NECAB3: variants seen among roughly 807,000 people sequenced by gnomAD.
NECAB3 encodes N-terminal EF-hand calcium-binding protein 3.
NECAB3 carries 38 observed loss-of-function variants against 57.2 expected under a neutral mutation model. The observed-to-expected ratio is 0.66, with a 90% CI of 0.51 to 0.87. NECAB3 has a LOEUF of 0.87. NECAB3 is among the 40% of genes least tolerant of loss of function. The probability of loss-of-function intolerance (pLI) is 0.00; values close to 1 mark genes in which losing one functional copy is unlikely to be tolerated. For missense variants in NECAB3, 474 were observed against 527.5 expected, an observed-to-expected ratio of 0.90 and a Z score of 0.99; for synonymous variants, 223 against 222.6, an observed-to-expected ratio of 1.00 and a Z score of -0.02.
chr20:33,674,087 A>T (rs1601180799), intron 1 of NECAB3, 137 bp downstream of exon 1: 1 of 936,002 alleles, frequency 1.1e-6, no homozygotes, highest in Non-Finnish European at 1.4e-6. Flanking sequence ...AAGGGCAGAA[A>T]GGTCAAGAGA....
At chr20:33,659,449 C>G in intron 8 of NECAB3, 48 bp downstream of exon 8, 1 of 1,409,150 alleles carries the variant, frequency 7.1e-7, no homozygotes, top group Non-Finnish European at 9.4e-7. Flanking sequence ...AATTCATGAG[C>G]ACCCCCAGAC....
In NECAB3 at chr20:33,670,816, G is replaced by A. The variant is rs1185103429; in HGVS notation, c.155-24C>T. The A allele has an allele frequency of 4.4e-6, 7 of 1,578,042 alleles. No individual in the cohort carries two copies. In the East Asian group the frequency reaches 6.7e-5, roughly 15 times the overall value. On this transcript the variant is annotated intron_variant, in intron 2 of 11. Transcript: ENST00000246190. ...ATCTGGGGTGGCAGGGGGAGGACAG[G>A]GAGCAGAGGAGGTATCCCTGACCCT...
At chr20:33,672,488 A>C (rs1601177683) in intron 1 of NECAB3, 66 bp from the exon 2 acceptor site, 1 of 1,597,378 alleles carries the variant, frequency 6.3e-7, no homozygotes. Flanking sequence ...CCCCCACTCA[A>C]CCCGACAGGG....
chr20:33,673,896 C>T (rs1450377678), intron 1 of NECAB3, among the ~76,000 whole-genome samples: 1 of 152,132 alleles, frequency 6.6e-6, no homozygotes, highest in Non-Finnish European at 1.5e-5. Context: ...TCCAGGCTCC[C>T]CTTCCCCAGT....
chr20:33,664,957 G>GC (rs2017603156), intron 5 of NECAB3: 1 of 151,444 alleles, frequency 6.6e-6, no homozygotes, highest in East Asian at 1.9e-4. Context: ...GGCTGCAAGA[G>GC]CTATAACATC....
At chr20:33,669,979 G>A (rs1039318284) in intron 3 of NECAB3, among the ~76,000 whole-genome samples, 2 of 152,240 alleles carry the variant, frequency 1.3e-5, no homozygotes, top group Non-Finnish European at 2.9e-5. Context: ...AGATGGATGT[G>A]GACACAGGCC....
Position 33,657,154 on chromosome 20 carries a change from G to T in NECAB3, c.*675C>A, listed in dbSNP as rs2017313485. The stretch of plus-strand genomic sequence containing the variant: ...AGCCTGGGGTTCAGAGGCCTCTGGG[G>T]GCAATAGGTGACCCTGGACCCAAAT... On this transcript the variant is annotated 3_prime_UTR_variant, in exon 12 of 12. Coordinates refer to ENST00000246190, the MANE Select transcript of NECAB3 (RefSeq NM_031232.4). The T allele has an allele frequency of 6.5e-6, 1 of 152,698 alleles. No individual in the cohort carries two copies. The allele number at this position is 152,698 out of a possible 1,614,324, so 9.5% of individuals were successfully genotyped here. A position where few individuals can be genotyped will look rare whatever the true frequency, so the allele number is the denominator to read the frequency against.
chr20:33,659,856 C>T, intron 7 of NECAB3, 29 bp downstream of exon 7: 1 of 1,539,098 alleles, frequency 6.5e-7, no homozygotes, highest in East Asian at 2.4e-5. Flanking sequence ...CCTGCCTCGG[C>T]CAGGCCTCCC....
chr20:33,663,956 G>A (rs1296889471), intron 5 of NECAB3: 6 of 1,203,110 alleles, frequency 5.0e-6, no homozygotes, highest in Non-Finnish European at 6.5e-6. Flanking sequence ...GCGGAGTCGG[G>A]GTGGGCAAAG....
intron 2 of NECAB3, among the ~76,000 whole-genome samples, chr20:33,671,640 CAG>C (rs1479072886): frequency 6.6e-6 from 1 of 152,234 alleles, no homozygotes; most frequent in Non-Finnish European, 1.5e-5. Flanking sequence ...ACGGGCCACA[CAG>C]GGCACAGTGG....
At chr20:33,667,298 G>T (rs1421048388) in intron 5 of NECAB3, 10 of 616,880 alleles carry the variant, frequency 1.6e-5, no homozygotes, top group South Asian at 1.1e-4. Flanking sequence ...GGCGTGGCGC[G>T]GGCGCACCCC....
rs1049412801 is a variant in NECAB3, at chr20:33,657,804, G to A, written c.*25C>T. 1 of 1,515,788 alleles carries A rather than the reference G, an allele frequency of 6.6e-7. No individual in the cohort carries two copies. The highest frequency in any genetic ancestry group is 1.4e-5 in the African/African-American group (1 of 72,492). 93.9% of individuals were successfully genotyped at this position (1,515,788 alleles called of 1,614,324 possible). On this transcript the variant is annotated 3_prime_UTR_variant, in exon 12 of 12. Coordinates refer to ENST00000246190, the MANE Select transcript of NECAB3 (RefSeq NM_031232.4). ...CAGAGGGAGGCAGGCAGGGTCCCGG[G>A]GCCCTCGGCGTGTGCAGGTCTGGCT...
intron 5 of NECAB3, chr20:33,663,666 C>T: frequency 6.4e-7 from 1 of 1,574,294 alleles, no homozygotes; most frequent in Non-Finnish European, 8.6e-7. Flanking sequence ...GCGAAGGTAG[C>T]GAGCGCGAGC....
rs776196512 is a variant in NECAB3 at position 33,659,703 on chromosome 20, G to A, written c.673C>T (p.Arg225Trp). 25 of 1,606,520 alleles carry A rather than the reference G, an allele frequency of 1.6e-5. No individual in the cohort carries two copies. Among genetic ancestry groups the A allele is most frequent in the East Asian group, 1.3e-4 (6 of 44,684 alleles). Reference protein sequence around the residue: ...GRSSEAEMQWRLQVNRLQELI... With the variant: ...GRSSEAEMQWWLQVNRLQELI... ...TCCTGGAGGCGGTTCACCTGGAGCC[G>A]CCACTGCATCTCGGCCTCTGAGCTG... The change falls in exon 8 of 12, where the codon CGG (arginine) becomes TGG (tryptophan). Residue 225 changes from arginine to tryptophan, a missense_variant. By Grantham distance (101) the Arg-to-Trp change is moderately radical. Coordinates refer to ENST00000246190, the MANE Select transcript of NECAB3 (RefSeq NM_031232.4).
In NECAB3 at chr20:33,658,505, A is replaced by G. The variant is rs758062034; in HGVS notation, c.1042T>C (p.Phe348Leu). The change falls in exon 10 of 12, where the codon TTC becomes CTC. Residue 348 changes from phenylalanine (F) to leucine (L), a missense_variant. Phe to Leu is a conservative substitution (Grantham distance 22, BLOSUM62 0). Transcript: ENST00000246190. ...LDGASFTLYEFWQDEASWRRH... is the reference protein window; with the variant it reads ...LDGASFTLYELWQDEASWRRH... ...CTCCAGGAGGCCTCATCCTGCCAGA[A>G]CTCATACAGGGTGAAGGAGGCACCG... 6.2e-6 allele frequency: 10 copies of G among 1,613,842 alleles called. No individual in the cohort carries two copies. In the South Asian group the frequency reaches 1.1e-4, roughly 18 times the overall value.
chr20:33,675,019 G>A (rs1327685436), upstream of NECAB3, among the ~76,000 whole-genome samples: 1 of 151,856 alleles, frequency 6.6e-6, no homozygotes, highest in African/African-American at 2.4e-5. Context: ...CCTGAATAAA[G>A]CTTAAGACTG....
In NECAB3 at chr20:33,659,634, C is replaced by T; in HGVS notation, c.742G>A (p.Gly248Arg). Residue 248 changes from glycine to arginine, a missense_variant, in exon 8 of 12, where the codon GGG (glycine) becomes AGG (arginine). Physicochemically the swap from Gly to Arg is moderately radical, Grantham distance 125. Transcript: ENST00000246190. ...LECKVRAVGP[G>R]PHKGGPSWYP... ...CAGGAGGGTCCTCCCTTGTGGGGCCCTGGCCCCACGGCCCTCACCTTGCAC... is the reference window on the plus strand; with the variant it reads ...CAGGAGGGTCCTCCCTTGTGGGGCCTTGGCCCCACGGCCCTCACCTTGCAC... The T allele has an allele frequency of 1.2e-6, 2 of 1,610,472 alleles. No homozygotes were observed. Among genetic ancestry groups the T allele is most frequent in the Non-Finnish European group, 8.5e-7 (1 of 1,179,134 alleles).
rs1345174352 is a variant in NECAB3 at position 33,660,074 on chromosome 20, A to C, written c.525-71T>G. ...CGGGATAAGCCTGGGTGGGGAAGACAAGCCTCCTGGGACTCCGAGGCCTAG... is the reference window on the plus strand; with the variant it reads ...CGGGATAAGCCTGGGTGGGGAAGACCAGCCTCCTGGGACTCCGAGGCCTAG... On this transcript the variant is annotated intron_variant, in intron 6 of 11. Transcript: ENST00000246190. This position sits in a 1 kb window ranked among gnomAD's most constrained non-coding sequence, Gnocchi z 4.1. 1 of 1,528,536 alleles carries C rather than the reference A, an allele frequency of 6.5e-7. No individual in the cohort carries two copies. The highest frequency in any genetic ancestry group is 8.8e-7 in the Non-Finnish European group (1 of 1,137,800). The allele number at this position is 1,528,536 out of a possible 1,614,324, so 94.7% of individuals were successfully genotyped here.
chr20:33,670,632 G>T, intron 3 of NECAB3, 52 bp downstream of exon 3: 2 of 1,321,526 alleles, frequency 1.5e-6, no homozygotes, highest in Non-Finnish European at 2.2e-6. Flanking sequence ...GGACACAGTG[G>T]GGTAAAGACA....
Sources: gnomAD v4.1 joint callset for allele counts (sites outside exome capture counted in the v4.1 genomes callset) on GRCh38, gnomAD v4.1.1 for gene constraint, Gnocchi (gnomAD v3.1) non-coding constraint, MANE v1.5 for transcripts, NCBI Gene and HGNC (gene_info 2026-07-23, HGNC 2026-07-21) for gene names.